Variants in ASCC3 observed in about 807,000 individuals in gnomAD.
ASCC3 encodes the protein ASC-1 complex subunit P200.
Under a neutral mutation model 256.3 loss-of-function variants are expected in ASCC3, and 158 were observed. The ratio of observed to expected loss-of-function variants is 0.62; its 90% CI spans 0.54 to 0.70. The LOEUF (loss-of-function observed/expected upper bound fraction) is 0.70. Among genes scored for constraint, ASCC3 ranks in the 30% least tolerant of loss-of-function variants. The pLI, the probability that ASCC3 is intolerant of heterozygous loss-of-function variation, is 0.00. For missense variants in ASCC3, 2,259 were observed against 2,626.0 expected (o/e 0.86, Z 3.05); for synonymous variants, 948 against 883.4 (o/e 1.07, Z -1.30).
At chr6:100,653,150 T>A (rs562977107) in intron 17 of ASCC3, among the ~76,000 whole-genome samples, 9 of 152,296 alleles carry the variant, frequency 5.9e-5, no homozygotes, top group African/African-American at 1.7e-4. Context: ...CTAAAATTCT[T>A]ATATGATCTT....
At chr6:100,595,954 C>T (rs1271968049) in intron 34 of ASCC3, among the ~76,000 whole-genome samples, 1 of 151,930 alleles carries the variant, frequency 6.6e-6, no homozygotes, top group East Asian at 1.9e-4. Flanking sequence ...AAGATAAATG[C>T]TTATTTTATT....
At chr6:100,739,664 G>C (rs12210255) in intron 10 of ASCC3, among the ~76,000 whole-genome samples, 73,336 of 151,818 alleles carry the variant, frequency 0.48, 17,730 homozygotes, top group South Asian at 0.68. Flanking sequence ...TCTAGTTTTG[G>C]GAAGGTATAT....
intron 36 of ASCC3, among the ~76,000 whole-genome samples, chr6:100,544,253 T>TA (rs1266655426): frequency 2.0e-5 from 3 of 151,892 alleles, no homozygotes; most frequent in Non-Finnish European, 4.4e-5. Context: ...GTGTCCACCT[T>TA]AAAAAACTAG....
chr6:100,850,728 T>A (rs369068901), intron 3 of ASCC3, among the ~76,000 whole-genome samples: 8 of 152,206 alleles, frequency 5.3e-5, no homozygotes, highest in South Asian at 2.1e-4. Context: ...TTATCTGACA[T>A]ACAATTATTC....
chr6:100,696,419 CTG>C (rs1217380836), intron 13 of ASCC3, among the ~76,000 whole-genome samples: 3 of 152,060 alleles, frequency 2.0e-5, no homozygotes, highest in East Asian at 1.9e-4. Context: ...AAAAAATACT[CTG>C]TTCAATTTTA....
intron 25 of ASCC3, among the ~76,000 whole-genome samples, chr6:100,633,547 GAAATCAT>G (rs1774664447): frequency 6.6e-6 from 1 of 151,990 alleles, no homozygotes; most frequent in African/African-American, 2.4e-5. Context: ...TTCTATCTGT[GAAATCAT>G]AAGAAGGAAA....
chr6:100,801,939 CTG>C (rs1437102477), intron 5 of ASCC3, among the ~76,000 whole-genome samples: 1 of 148,256 alleles, frequency 6.7e-6, no homozygotes, highest in Non-Finnish European at 1.5e-5. Flanking sequence ...AAGCGTAAAA[CTG>C]TAAATATTTT....
At chr6:100,707,474 G>T (rs1232548893) in intron 13 of ASCC3, among the ~76,000 whole-genome samples, 1 of 151,996 alleles carries the variant, frequency 6.6e-6, no homozygotes. Context: ...AATTACCAGT[G>T]ATTATTTTTT....
intron 13 of ASCC3, among the ~76,000 whole-genome samples, chr6:100,682,809 T>C (rs939689496): frequency 1.3e-5 from 2 of 152,210 alleles, no homozygotes; most frequent in Non-Finnish European, 2.9e-5. Context: ...ATTTTTAGTG[T>C]GTTAGCTTGA....
At chr6:100,644,932 AG>A (rs1775307710) in intron 22 of ASCC3, among the ~76,000 whole-genome samples, 2 of 152,206 alleles carry the variant, frequency 1.3e-5, no homozygotes, top group African/African-American at 4.8e-5. Flanking sequence ...ATGGGTGAAA[AG>A]TTCCTGGTCT....
In ASCC3 at chr6:100,512,640, C is replaced by T. The variant is rs1773824234; in HGVS notation, c.6285+69G>A. The T allele has an allele frequency of 8.2e-6, 12 of 1,460,088 alleles. No homozygotes were observed. The East Asian group carries it at 1.1e-4, about 14-fold the overall frequency. The allele number at this position is 1,460,088 out of a possible 1,614,324, so 90.4% of individuals were successfully genotyped here. On this transcript the variant is annotated intron_variant, in intron 40 of 41. Coordinates refer to ENST00000369162, the MANE Select transcript of ASCC3 (RefSeq NM_006828.4). ...TGACACGGGCACATTAGTCACATAA[C>T]AGATATGTGTGGTGGTGCATGCTGG...
Position 100,642,628 on chromosome 6 carries a change from A to G in ASCC3, c.3854T>C (p.Ile1285Thr), listed in dbSNP as rs149055216. The G allele has an allele frequency of 2.3e-4, 365 of 1,613,972 alleles. 1 individual carries two copies. In the African/African-American group the frequency reaches 4.0e-3, roughly 17 times the overall value. Residue 1285 changes from isoleucine (I) to threonine (T), a missense_variant, in exon 24 of 42, where the codon ATC (isoleucine) becomes ACC (threonine). Ile to Thr is a moderately conservative substitution (Grantham distance 89). Transcript: ENST00000369162. ...TGGTAGAATTAGATGTTGAAAGTTG[A>G]TAATACATACTGCCTCAGCACCCAA... Reference protein sequence around the residue: ...RWLGAEAVCIINFQHLILPER... With the variant: ...RWLGAEAVCITNFQHLILPER...
Position 100,798,790 on chromosome 6 carries a change from C to A in ASCC3, c.1318G>T (p.Glu440Ter). ...GGTTCGCTGTAGGGAATCCTTACTT[C>A]TTCATAAAGCTTGTTATTCTCTCTT... ...IQRENNKLYE[E>*]VRIPYSEPMP... The change falls in exon 8 of 42, where the codon GAA becomes TAA. Residue 440 changes from glutamate to a stop codon, truncating the protein, a stop_gained. Transcript: ENST00000369162. LOFTEE classifies it high-confidence loss of function. 6.2e-7 allele frequency: 1 copy of A among 1,612,924 alleles called. No individual in the cohort carries two copies. The highest frequency in any genetic ancestry group is 8.5e-7 in the Non-Finnish European group (1 of 1,179,460).
At chr6:100,571,194 T>C (rs1770575626) in intron 36 of ASCC3, among the ~76,000 whole-genome samples, 1 of 152,172 alleles carries the variant, frequency 6.6e-6, no homozygotes, top group South Asian at 2.1e-4. Flanking sequence ...TCTTTGAAAT[T>C]TCCAAGCAGC....
chr6:100,846,802 CTA>C (rs1772406687), intron 4 of ASCC3, among the ~76,000 whole-genome samples: 2 of 152,172 alleles, frequency 1.3e-5, no homozygotes, highest in Admixed American at 6.6e-5. Context: ...TCTATAAAAT[CTA>C]TGACTTGTTC....
intron 10 of ASCC3, among the ~76,000 whole-genome samples, chr6:100,745,280 T>C (rs567926979): frequency 1.3e-5 from 2 of 152,020 alleles, no homozygotes; most frequent in South Asian, 4.2e-4. Flanking sequence ...TGAGCCGAGA[T>C]TGCACCATTG....
chr6:100,638,614 T>G lies in ASCC3; in HGVS notation c.4109A>C (p.Tyr1370Ser). 1.2e-6 allele frequency: 2 copies of G among 1,610,092 alleles called. No homozygotes were observed. Among genetic ancestry groups the G allele is most frequent in the Non-Finnish European group, 1.7e-6 (2 of 1,176,428 alleles). Residue 1370 changes from tyrosine to serine, a missense_variant, in exon 25 of 42, where the codon TAC becomes TCC. Transcript: ENST00000369162. Reference sequence around the variant, plus strand: ...CTTTCAACAGACCTTTGAAGTAGGGTATTTGTTGAAGACTCTGAAAATGGC... The same window carrying G: ...CTTTCAACAGACCTTTGAAGTAGGGGATTTGTTGAAGACTCTGAAAATGGC... ...ELAIFRVFNK[Y>S]PTSKAVYIAP...
intron 9 of ASCC3, 134 bp downstream of exon 9, chr6:100,767,010 TA>T: frequency 1.1e-6 from 1 of 950,802 alleles, no homozygotes; most frequent in Non-Finnish European, 1.6e-6. Context: ...AGTAATGAAG[TA>T]AATCAAACAG....
intron 16 of ASCC3, among the ~76,000 whole-genome samples, chr6:100,657,003 T>C (rs1191969445): frequency 1.3e-5 from 2 of 151,312 alleles, no homozygotes; most frequent in Non-Finnish European, 3.0e-5. Context: ...CCTTCATGTT[T>C]AACTCCTTCA....
Sources: allele counts gnomAD v4.1 joint callset (sites outside exome capture counted in the v4.1 genomes callset), GRCh38; gene constraint gnomAD v4.1.1; transcripts MANE v1.5; gene names NCBI Gene and HGNC (gene_info 2026-07-23, HGNC 2026-07-21).